Variants in TANGO6 observed in about 807,000 individuals in gnomAD.
TANGO6 encodes the protein transport and Golgi organization protein 6 homolog.
A neutral mutation model predicts 114.2 loss-of-function variants in TANGO6; 90 were observed. That is an observed-to-expected ratio of 0.79 (90% CI 0.66 to 0.94). TANGO6 has a LOEUF of 0.94. Ranked by LOEUF, TANGO6 falls within the 40% of genes least tolerant of loss-of-function variation. The pLI is 0.00. For synonymous variants in TANGO6, 477 were observed against 509.8 expected, an observed-to-expected ratio of 0.94 and a Z score of 0.87; for missense variants, 1,274 against 1,315.3, an observed-to-expected ratio of 0.97 and a Z score of 0.49.
In TANGO6 at chr16:68,862,975, AG is replaced by A. The variant is rs1962122088; in HGVS notation, c.772del (p.Ala258ProfsTer2). On this transcript the variant is annotated frameshift_variant, in exon 3 of 18. Transcript: ENST00000261778. LOFTEE classifies it high-confidence loss of function. ...VLTEEERTLSRGALRDMLDQV... is the reference protein window; with the variant it reads ...VLTEEERTLSXGALRDMLDQV... ...AACTGAAGAGGAGAGAACCCTATCCAGGGGGGCCTTGAGAGACATGCTGGAT... is the reference window on the plus strand; with the variant it reads ...AACTGAAGAGGAGAGAACCCTATCCAGGGGGCCTTGAGAGACATGCTGGAT... 1.3e-6 allele frequency: 2 copies of A among 1,599,432 alleles called. No individual in the cohort carries two copies. Among genetic ancestry groups the A allele is most frequent in the African/African-American group, 1.3e-5 (1 of 74,780 alleles).
intron 14 of TANGO6, among the ~76,000 whole-genome samples, chr16:68,956,388 C>A (rs1441923981): frequency 6.6e-6 from 1 of 152,030 alleles, no homozygotes; most frequent in African/African-American, 2.4e-5. Context: ...GAAATGAAAG[C>A]CCAGACCAAG....
intron 17 of TANGO6, among the ~76,000 whole-genome samples, chr16:69,043,265 C>T (rs1208780762): frequency 2.1e-5 from 3 of 143,328 alleles, no homozygotes; most frequent in Non-Finnish European, 3.0e-5. Flanking sequence ...AAAGTGAGAG[C>T]GAGCGAGAGA....
chr16:68,971,230 C>T (rs1963701718), intron 14 of TANGO6, among the ~76,000 whole-genome samples: 1 of 151,474 alleles, frequency 6.6e-6, no homozygotes, highest in Non-Finnish European at 1.5e-5. Context: ...AGTGATATAA[C>T]ACCTGCCAGA....
chr16:68,863,106 T>A (rs371794083), intron 3 of TANGO6, 45 bp downstream of exon 3: 5 of 1,204,228 alleles, frequency 4.2e-6, no homozygotes, highest in African/African-American at 1.5e-5. Flanking sequence ...TTAATGATAA[T>A]GTGTGGTTTG....
intron 1 of TANGO6, among the ~76,000 whole-genome samples, chr16:68,847,347 C>T (rs1341110028): frequency 6.6e-6 from 1 of 152,066 alleles, no homozygotes; most frequent in South Asian, 2.1e-4. Flanking sequence ...GTCTTGGGAA[C>T]CCCCGGCAAG....
At chr16:68,891,198 A>G (rs533376194) in intron 7 of TANGO6, among the ~76,000 whole-genome samples, 3 of 151,570 alleles carry the variant, frequency 2.0e-5, no homozygotes, top group South Asian at 4.2e-4. Flanking sequence ...AAGCTGAGGC[A>G]GGAGAATTGC....
At chr16:68,891,260 C>A (rs1962612114) in intron 7 of TANGO6, among the ~76,000 whole-genome samples, 1 of 148,998 alleles carries the variant, frequency 6.7e-6, no homozygotes, top group Non-Finnish European at 1.5e-5. Flanking sequence ...CCATTGCACT[C>A]CAGCCTAGGT....
chr16:68,900,627 AT>A (rs1192911997), intron 8 of TANGO6, 81 bp downstream of exon 8: 1 of 1,119,506 alleles, frequency 8.9e-7, no homozygotes, highest in Non-Finnish European at 1.3e-6. Flanking sequence ...TTTTGAATTT[AT>A]ATTTGCCACT....
intron 16 of TANGO6, chr16:69,026,501 G>T (rs1287763030): frequency 1.7e-5 from 3 of 177,152 alleles, no homozygotes; most frequent in African/African-American, 7.2e-5. Context: ...ATGTGGTATT[G>T]TGTCATCATA....
intron 17 of TANGO6, among the ~76,000 whole-genome samples, chr16:69,046,093 AG>A (rs1411167083): frequency 6.6e-6 from 1 of 151,766 alleles, no homozygotes; most frequent in Non-Finnish European, 1.5e-5. Flanking sequence ...TTAAAATTAA[AG>A]AAAAAACCAA....
Position 68,929,528 on chromosome 16 carries a change from A to G in TANGO6, c.2644-710A>G, listed in dbSNP as rs150335066. 4.0e-3 allele frequency among the ~76,000 whole-genome samples: 615 copies of G among 152,298 alleles called. 3 individuals are homozygous for G. The highest frequency in any genetic ancestry group is 6.2e-3 in the Non-Finnish European group (424 of 68,028). ...AGACCAGCAGCATCAAGTTGATGTC[A>G]AGAATTACTGTGCCAACGAAGAACA... On this transcript the variant is annotated intron_variant, in intron 13 of 17. Transcript: ENST00000261778.
chr16:68,864,592 C>A lies in TANGO6; in HGVS notation c.852+1531C>A, dbSNP rs1027111714. Among the ~76,000 whole-genome samples, 3 of 151,278 alleles carry A rather than the reference C, an allele frequency of 2.0e-5. No individual in the cohort carries two copies. The East Asian group carries it at 5.8e-4, about 29-fold the overall frequency. ...TGAGATCTTGTCTTTAAAAAAAAAA[C>A]AAAAGAAAAAGAGCGAGAAGCCAAA... On this transcript the variant is annotated intron_variant, in intron 3 of 17. Transcript: ENST00000261778.
chr16:68,892,461 G>A (rs1263797517), intron 7 of TANGO6, among the ~76,000 whole-genome samples: 1 of 151,652 alleles, frequency 6.6e-6, no homozygotes, highest in Non-Finnish European at 1.5e-5. Flanking sequence ...CTCAGCTCTT[G>A]CTACATGTTT....
intron 4 of TANGO6, 130 bp downstream of exon 4, chr16:68,867,350 G>T: frequency 8.1e-7 from 1 of 1,235,540 alleles, no homozygotes; most frequent in East Asian, 2.3e-5. Flanking sequence ...TGCAGGGATT[G>T]AACAGGTTAA....
At chr16:68,875,006 A>T (rs1962332540) in intron 4 of TANGO6, 148 bp from the exon 5 acceptor site, 3 of 675,868 alleles carry the variant, frequency 4.4e-6, no homozygotes, top group Non-Finnish European at 6.7e-6. Context: ...GAAAGTATAG[A>T]AGGGTAGATT....
intron 10 of TANGO6, among the ~76,000 whole-genome samples, chr16:68,908,372 G>A (rs1962880281): frequency 6.6e-6 from 1 of 151,996 alleles, no homozygotes; most frequent in South Asian, 2.1e-4. Flanking sequence ...CGTTCCAAGG[G>A]GATGTGCTCT....
In TANGO6 at chr16:68,900,439, C is replaced by T. The variant is rs761799584; in HGVS notation, c.1383C>T (p.Tyr461=). The T allele has an allele frequency of 9.3e-6, 15 of 1,613,376 alleles. No individual in the cohort carries two copies. Among genetic ancestry groups the T allele is most frequent in the South Asian group, 2.2e-5 (2 of 90,976 alleles). The change falls in exon 8 of 18, where the codon TAC becomes TAT. Residue 461 remains tyrosine (Y), a synonymous_variant. Transcript: ENST00000261778. ...SRCIEDVFKV[Y]VVGNEPLTVL... Reference sequence around the variant, plus strand: ...CACCATTTCCTTTTTTCTAGGTGTACGTGGTTGGGAATGAACCTTTAACAG... The same window carrying T: ...CACCATTTCCTTTTTTCTAGGTGTATGTGGTTGGGAATGAACCTTTAACAG...
intron 14 of TANGO6, among the ~76,000 whole-genome samples, chr16:68,951,841 T>A (rs1209375860): frequency 6.6e-6 from 1 of 152,184 alleles, no homozygotes; most frequent in African/African-American, 2.4e-5. Flanking sequence ...CTCGATCTCC[T>A]GACCTTGTGA....
intron 17 of TANGO6, among the ~76,000 whole-genome samples, chr16:69,069,980 G>A (rs1272176136): frequency 6.6e-6 from 1 of 150,766 alleles, no homozygotes; most frequent in Non-Finnish European, 1.5e-5. Flanking sequence ...GCCGAGGCGG[G>A]CAGATCACAT....
Sources: gnomAD v4.1 joint callset for allele counts (sites outside exome capture counted in the v4.1 genomes callset) on GRCh38, gnomAD v4.1.1 for gene constraint, MANE v1.5 for transcripts, NCBI Gene and HGNC (gene_info 2026-07-23, HGNC 2026-07-21) for gene names.